The following INPP5A variants were observed in gnomAD, a reference collection of about 807,000 sequenced individuals.
The protein encoded by INPP5A is inositol polyphosphate-5-phosphatase A.
In INPP5A, 14 loss-of-function variants were observed where a neutral mutation model predicts 65.2. The observed-to-expected ratio is 0.21, with a 90% CI of 0.14 to 0.34. INPP5A has a LOEUF of 0.34. Among genes scored for constraint, INPP5A ranks in the 10% least tolerant of loss-of-function variants. The probability of loss-of-function intolerance (pLI) is 1.00; values close to 1 mark genes in which losing one functional copy is unlikely to be tolerated. For synonymous variants in INPP5A, 207 were observed against 208.3 expected, an observed-to-expected ratio of 0.99 and a Z score of 0.05; for missense variants, 431 against 545.6, an observed-to-expected ratio of 0.79 and a Z score of 2.09.
intron 8 of INPP5A, among the ~76,000 whole-genome samples, chr10:132,721,543 G>A (rs1328878160): frequency 6.6e-6 from 1 of 151,274 alleles, no homozygotes; most frequent in Non-Finnish European, 1.5e-5. Context: ...TGCGGTTTCT[G>A]TGGTGCCTGG....
At chr10:132,760,915 C>CG in intron 11 of INPP5A, among the ~76,000 whole-genome samples, 1 of 152,158 alleles carries the variant, frequency 6.6e-6, no homozygotes, top group Non-Finnish European at 1.5e-5. Flanking sequence ...ACTGTAAACG[C>CG]GGGGAGAGGG....
chr10:132,654,193 A>G (rs774614333), intron 4 of INPP5A, among the ~76,000 whole-genome samples: 4 of 152,242 alleles, frequency 2.6e-5, no homozygotes, highest in East Asian at 3.9e-4. Flanking sequence ...GTGGCCTGGC[A>G]GGAGCTCCCG....
At chr10:132,653,625 A>G (rs986925685) in intron 4 of INPP5A, among the ~76,000 whole-genome samples, 1 of 152,264 alleles carries the variant, frequency 6.6e-6, no homozygotes, top group Non-Finnish European at 1.5e-5. Flanking sequence ...TCTCTTACCA[A>G]AAAGAATTAA....
chr10:132,592,749 C>T (rs2071634229), intron 1 of INPP5A, among the ~76,000 whole-genome samples: 1 of 152,210 alleles, frequency 6.6e-6, no homozygotes. Flanking sequence ...CTGATACAGG[C>T]ATGTATAGTC....
chr10:132,558,235 G>A (rs781009508), intron 1 of INPP5A, among the ~76,000 whole-genome samples: 33 of 152,278 alleles, frequency 2.2e-4, no homozygotes, highest in Admixed American at 7.2e-4. Context: ...CAAGGGCCAC[G>A]CAGAGCCGCG....
Position 132,766,298 on chromosome 10 carries a change from C to T in INPP5A, c.977+452C>T, listed in dbSNP as rs190074321. ...TGAGAGTAATAAGTAATTCTGTTAT[C>T]TTTTTCCAAAAAAGGTTTTTTCCAA... On this transcript the variant is annotated intron_variant, in intron 12 of 15. Coordinates refer to ENST00000368594, the MANE Select transcript of INPP5A (RefSeq NM_005539.5). 2.0e-5 allele frequency among the ~76,000 whole-genome samples: 3 copies of T among 152,352 alleles called. No homozygotes were observed. In the East Asian group the frequency reaches 5.8e-4, roughly 29 times the overall value.
At chr10:132,574,808 A>G (rs1032890791) in intron 1 of INPP5A, among the ~76,000 whole-genome samples, 2 of 151,136 alleles carry the variant, frequency 1.3e-5, no homozygotes, top group African/African-American at 4.9e-5. Context: ...TTCCTGCCTC[A>G]GCCTCTGGAG....
At chr10:132,703,883 AC>A (rs1388891675) in intron 6 of INPP5A, among the ~76,000 whole-genome samples, 1 of 20,264 alleles carries the variant, frequency 4.9e-5, no homozygotes, top group African/African-American at 2.2e-4. Context: ...GCACGGCTTC[AC>A]CCCCCACACA....
At chr10:132,774,294 G>C (rs1362905408) in intron 12 of INPP5A, among the ~76,000 whole-genome samples, 1 of 152,154 alleles carries the variant, frequency 6.6e-6, no homozygotes, top group African/African-American at 2.4e-5. Flanking sequence ...TTGTGACGGG[G>C]GTGTGTCAGA....
At chr10:132,739,271 G>A (rs1471168565) in intron 9 of INPP5A, among the ~76,000 whole-genome samples, 2 of 99,520 alleles carry the variant, frequency 2.0e-5, no homozygotes, top group African/African-American at 3.3e-5. Context: ...ACGTGCCCCC[G>A]AGGAAGGGTC....
intron 5 of INPP5A, among the ~76,000 whole-genome samples, chr10:132,691,110 C>T (rs1845252760): frequency 6.6e-6 from 1 of 152,222 alleles, no homozygotes. Context: ...AACTGTGGAG[C>T]CACAAACGAT....
intron 9 of INPP5A, among the ~76,000 whole-genome samples, chr10:132,742,691 A>C (rs1050396865): frequency 6.6e-6 from 1 of 152,152 alleles, no homozygotes; most frequent in Non-Finnish European, 1.5e-5. Context: ...ATGAGTTCGG[A>C]CCGTGAGGGA....
At chr10:132,610,310 C>T (rs892739127) in intron 2 of INPP5A, among the ~76,000 whole-genome samples, 4 of 152,214 alleles carry the variant, frequency 2.6e-5, no homozygotes, top group East Asian at 3.9e-4. Flanking sequence ...CGTGGCCCCC[C>T]GAATCCTGGG....
At chr10:132,641,000 A>G (rs1296932684) in intron 2 of INPP5A, among the ~76,000 whole-genome samples, 1 of 152,318 alleles carries the variant, frequency 6.6e-6, no homozygotes, top group East Asian at 1.9e-4. Flanking sequence ...ATCGGGAGGC[A>G]TGTACTCTGT....
chr10:132,646,222 C>A (rs1018758332), intron 3 of INPP5A, among the ~76,000 whole-genome samples: 1 of 152,184 alleles, frequency 6.6e-6, no homozygotes, highest in Non-Finnish European at 1.5e-5. Context: ...GCTCTCGGGC[C>A]AGGGGACGTG....
intron 2 of INPP5A, among the ~76,000 whole-genome samples, chr10:132,630,249 A>G (rs2072247271): frequency 1.3e-5 from 2 of 151,952 alleles, no homozygotes; most frequent in South Asian, 4.1e-4. Flanking sequence ...GACGTCCATG[A>G]GGGGAAGGCG....
chr10:132,688,975 G>A (rs969013186), intron 4 of INPP5A, among the ~76,000 whole-genome samples: 42 of 151,908 alleles, frequency 2.8e-4, no homozygotes, highest in African/African-American at 9.7e-4. Flanking sequence ...GTGCATGAGT[G>A]TATGTGTGCA....
intron 9 of INPP5A, among the ~76,000 whole-genome samples, chr10:132,737,406 G>A (rs988846078): frequency 1.3e-5 from 2 of 148,748 alleles, no homozygotes; most frequent in African/African-American, 2.6e-5. Flanking sequence ...GCGCAGCCCC[G>A]TCCTCTGCTG....
intron 8 of INPP5A, among the ~76,000 whole-genome samples, chr10:132,716,478 TC>T (rs1845741974): frequency 6.6e-6 from 1 of 152,168 alleles, no homozygotes; most frequent in African/African-American, 2.4e-5. Flanking sequence ...CTCCACGAGC[TC>T]CAGCCACGGT....
Sources: gnomAD v4.1 joint callset for allele counts (sites outside exome capture counted in the v4.1 genomes callset) on GRCh38, gnomAD v4.1.1 for gene constraint, MANE v1.5 for transcripts, NCBI Gene and HGNC (gene_info 2026-07-23, HGNC 2026-07-21) for gene names.